PFKP: variants seen among roughly 807,000 people sequenced by gnomAD.
The protein encoded by PFKP is phosphofructokinase, platelet.
In PFKP, 101 loss-of-function variants were observed where a neutral mutation model predicts 94.3. The ratio of observed to expected loss-of-function variants is 1.07; its 90% CI spans 0.91 to 1.26. PFKP has a LOEUF of 1.26. PFKP is among the 50% of genes most tolerant of loss of function. The pLI is 0.00. For synonymous variants in PFKP, 573 were observed against 432.6 expected (o/e 1.32, Z -4.03); for missense variants, 1,145 against 1,103.3 (o/e 1.04, Z -0.53).
At position 3,101,396 on chromosome 10, in the gene PFKP, A is replaced by G. The variant is rs1406211817; in HGVS notation, c.296A>G (p.Gln99Arg). ...ACGATCATTGGCAGTGCGCGGTGCC[A>G]GGCCTTCCGCACGCGGGAAGGCCGC... ...GGTIIGSARCQAFRTREGRLK... is the reference protein window; with the variant it reads ...GGTIIGSARCRAFRTREGRLK... The change falls in exon 4 of 22, where the codon CAG (glutamine) becomes CGG (arginine). Residue 99 changes from glutamine (Q) to arginine (R), a missense_variant. Coordinates refer to ENST00000381125, the MANE Select transcript of PFKP (RefSeq NM_002627.5). 2 of 1,599,868 alleles carry G rather than the reference A, an allele frequency of 1.3e-6. No individual in the cohort carries two copies. Among genetic ancestry groups the G allele is most frequent in the Admixed American group, 1.7e-5 (1 of 58,046 alleles).
chr10:3,097,333 C>T (rs1175594252), intron 2 of PFKP, among the ~76,000 whole-genome samples: 1 of 152,052 alleles, frequency 6.6e-6, no homozygotes, highest in Non-Finnish European at 1.5e-5. Context: ...TCCCAGGGTG[C>T]CCTGTGCAGA....
rs1221684789 is a variant in PFKP at position 3,105,136 on chromosome 10, G to A, written c.642G>A (p.Leu214=). Residue 214 remains leucine, a synonymous_variant, in exon 6 of 22, where the codon CTG becomes CTA. Coordinates refer to ENST00000381125, the MANE Select transcript of PFKP (RefSeq NM_002627.5). ...TAQSHQRTFV[L]EVMGRHCGYL... is the part of the protein sequence containing the mutation. The stretch of plus-strand genomic sequence containing the variant: ...CCAGCCACCAGAGGACCTTCGTTCT[G>A]GAGGTGATGGGACGACACTGTGGGT... 6.2e-7 allele frequency: 1 copy of A among 1,613,978 alleles called. No individual in the cohort carries two copies. Among genetic ancestry groups the A allele is most frequent in the South Asian group, 1.1e-5 (1 of 91,046 alleles).
intron 16 of PFKP, chr10:3,129,381 A>C (rs1219782273): frequency 6.3e-6 from 1 of 159,528 alleles, no homozygotes; most frequent in Non-Finnish European, 1.4e-5. Flanking sequence ...AGAATAGCAC[A>C]GCGGTTCTCA....
chr10:3,080,477 A>G (rs971403758), intron 1 of PFKP, among the ~76,000 whole-genome samples: 5 of 139,676 alleles, frequency 3.6e-5, no homozygotes, highest in African/African-American at 8.2e-5. Context: ...AGATTGCACC[A>G]CTGCACTCCA....
intron 1 of PFKP, among the ~76,000 whole-genome samples, chr10:3,068,087 C>CG (rs1469355453): frequency 6.6e-6 from 1 of 152,156 alleles, no homozygotes; most frequent in African/African-American, 2.4e-5. Context: ...GAAGCGCCCT[C>CG]GGGGGTCGTT....
intron 16 of PFKP, among the ~76,000 whole-genome samples, chr10:3,125,417 C>T (rs1477510321): frequency 6.6e-6 from 1 of 152,184 alleles, no homozygotes; most frequent in African/African-American, 2.4e-5. Flanking sequence ...AGCTTCTCTG[C>T]CTTAGGGAGA....
At chr10:3,129,468 T>C in intron 16 of PFKP, 1 of 234,742 alleles carries the variant, frequency 4.3e-6, no homozygotes, top group Admixed American at 5.1e-5. Flanking sequence ...TGAAAGCGGC[T>C]TCAGCAGGGA....
At chr10:3,098,688 A>AAAAAAAAAAAAAAG in intron 2 of PFKP, among the ~76,000 whole-genome samples, 1 of 151,802 alleles carries the variant, frequency 6.6e-6, no homozygotes, top group South Asian at 2.1e-4. Context: ...AAAAAAAAAA[A>AAAAAAAAAAAAAAG]AAGGTAATTG....
intron 1 of PFKP, 54 bp downstream of exon 1, chr10:3,067,761 G>C: frequency 1.0e-6 from 1 of 961,716 alleles, no homozygotes; most frequent in South Asian, 1.7e-5. Flanking sequence ...GAGCTGGGGA[G>C]AACCGGGCGA....
intron 7 of PFKP, 86 bp downstream of exon 7, chr10:3,105,587 C>A: frequency 2.1e-6 from 2 of 945,016 alleles, no homozygotes; most frequent in Admixed American, 2.1e-5. Context: ...GCATTTTAAG[C>A]AAGTGAAAAA....
intron 2 of PFKP, among the ~76,000 whole-genome samples, chr10:3,084,851 C>G (rs1482400543): frequency 2.0e-5 from 3 of 146,834 alleles, no homozygotes; most frequent in Non-Finnish European, 3.0e-5. Flanking sequence ...CCTCCACCCC[C>G]TCCCCAGCAC....
At chr10:3,124,771 G>A (rs902959990) in intron 16 of PFKP, among the ~76,000 whole-genome samples, 3 of 152,224 alleles carry the variant, frequency 2.0e-5, no homozygotes, top group East Asian at 1.9e-4. Flanking sequence ...ACCATGACAC[G>A]CCGAGAGCTG....
intron 2 of PFKP, among the ~76,000 whole-genome samples, chr10:3,091,288 A>T (rs1834020995): frequency 6.6e-6 from 1 of 152,106 alleles, no homozygotes; most frequent in Non-Finnish European, 1.5e-5. Context: ...GATACTAAGT[A>T]TATCAGATGC....
chr10:3,109,191 A>T (rs1214167640), intron 9 of PFKP, among the ~76,000 whole-genome samples, 164 bp from the exon 10 acceptor site: 1 of 152,144 alleles, frequency 6.6e-6, no homozygotes. Flanking sequence ...CCGTCTTGCC[A>T]GTTCTAAAGG....
At chr10:3,125,123 C>T (rs780453682) in intron 16 of PFKP, 13 of 1,326,426 alleles carry the variant, frequency 9.8e-6, no homozygotes, top group Middle Eastern at 2.2e-4. Context: ...GCGACATGGC[C>T]GAGGCACGAG....
At position 3,129,802 on chromosome 10, in the gene PFKP, C is replaced by T. The variant is rs183922881; in HGVS notation, c.1684-17C>T. 1.6e-5 allele frequency: 25 copies of T among 1,612,720 alleles called. No individual in the cohort carries two copies. The East Asian group carries it at 4.0e-4, about 26-fold the overall frequency. On this transcript the variant is annotated splice_polypyrimidine_tract_variant and intron_variant, in intron 16 of 21. Coordinates refer to ENST00000381125, the MANE Select transcript of PFKP (RefSeq NM_002627.5). ...CCGGGCCTGGGCTGGAGTGACTGATCGCTTCTCTGTGACCAGACCTGCGAC... is the reference window on the plus strand; with the variant it reads ...CCGGGCCTGGGCTGGAGTGACTGATTGCTTCTCTGTGACCAGACCTGCGAC...
Position 3,113,213 on chromosome 10 carries a change from C to A in PFKP, c.1224+25C>A, listed in dbSNP as rs201205914. ...GGTAGGTGGCCGGCCTCCCGCGATG[C>A]CCCGACCTCTCCTGCGGGCCTCCCC... On this transcript the variant is annotated intron_variant, in intron 12 of 21. Transcript: ENST00000381125. 1.2e-3 allele frequency: 1,857 copies of A among 1,605,046 alleles called. 9 individuals are homozygous for A. Among genetic ancestry groups the A allele is most frequent in the Middle Eastern group, 5.1e-3 (31 of 6,044 alleles).
At chr10:3,097,821 A>C (rs935458499) in intron 2 of PFKP, among the ~76,000 whole-genome samples, 19 of 152,348 alleles carry the variant, frequency 1.2e-4, no homozygotes, top group African/African-American at 4.6e-4. Flanking sequence ...CCTGGCCAAC[A>C]TGGTGAAACC....
intron 2 of PFKP, among the ~76,000 whole-genome samples, chr10:3,083,830 A>G (rs1460142600): frequency 1.3e-5 from 2 of 152,096 alleles, no homozygotes; most frequent in Non-Finnish European, 2.9e-5. Flanking sequence ...TTTAGTAGAG[A>G]TGGGGTTTCA....
Sources: gnomAD v4.1 joint callset for allele counts (sites outside exome capture counted in the v4.1 genomes callset) on GRCh38, gnomAD v4.1.1 for gene constraint, MANE v1.5 for transcripts, NCBI Gene and HGNC (gene_info 2026-07-23, HGNC 2026-07-21) for gene names.